Variants in VPS54 observed in about 807,000 individuals in gnomAD.
VPS54 encodes the protein VPS54 subunit of GARP complex.
A neutral mutation model predicts 121.5 loss-of-function variants in VPS54; 45 were observed. The ratio of observed to expected loss-of-function variants is 0.37; its 90% CI spans 0.29 to 0.47. The LOEUF is 0.47. VPS54 is among the 20% of genes least tolerant of loss of function. VPS54 has a pLI of 0.99. For synonymous variants in VPS54, 371 were observed against 385.8 expected (o/e 0.96, Z 0.45); for missense variants, 1,090 against 1,131.4 (o/e 0.96, Z 0.52).
chr2:63,914,932 GAGACCAGCCTGACAATGGAGA>G (rs1673310437), intron 16 of VPS54, among the ~76,000 whole-genome samples: 2 of 151,826 alleles, frequency 1.3e-5, no homozygotes, highest in Non-Finnish European at 1.5e-5. Context: ...TCGGGAGTTC[GAGACCAGCCTGACAATGGAGA>G]AGACCAGCCT....
At chr2:64,010,034 G>A (rs542142494) in intron 1 of VPS54, among the ~76,000 whole-genome samples, 7 of 151,930 alleles carry the variant, frequency 4.6e-5, no homozygotes, top group Non-Finnish European at 8.8e-5. Context: ...TAGAGACGAA[G>A]TTTCACCATG....
At chr2:63,914,473 G>A (rs1673290563) in intron 16 of VPS54, among the ~76,000 whole-genome samples, 186 bp from the exon 17 acceptor site, 1 of 152,202 alleles carries the variant, frequency 6.6e-6, no homozygotes. Flanking sequence ...CAAGACAAGA[G>A]AGGTGTCTAG....
At chr2:63,955,005 G>C (rs1001312300) in intron 7 of VPS54, among the ~76,000 whole-genome samples, 2 of 151,838 alleles carry the variant, frequency 1.3e-5, no homozygotes, top group Non-Finnish European at 2.9e-5. Context: ...AGACTAACAG[G>C]AAAATCTGAA....
At chr2:63,957,170 C>T (rs186826049) in intron 7 of VPS54, among the ~76,000 whole-genome samples, 9 of 151,978 alleles carry the variant, frequency 5.9e-5, no homozygotes, top group Non-Finnish European at 1.2e-4. Context: ...CGGCCGGGCA[C>T]GGTGGCTCAC....
In VPS54 at chr2:63,912,542, T is replaced by C. The variant is rs1332456425; in HGVS notation, c.2542A>G (p.Lys848Glu). 6.2e-7 allele frequency: 1 copy of C among 1,611,900 alleles called. No homozygotes were observed. Among genetic ancestry groups the C allele is most frequent in the Non-Finnish European group, 8.5e-7 (1 of 1,179,378 alleles). Residue 848 changes from lysine (K) to glutamate (E), a missense_variant and splice_region_variant, in exon 19 of 23, where the codon AAG becomes GAG. By Grantham distance (56) the Lys-to-Glu change is moderately conservative (BLOSUM62 1). This residue lies in a region of VPS54 where 289 missense variants were observed against 374.4 expected (regional missense o/e 0.77). Transcript: ENST00000272322. Reference sequence around the variant, plus strand: ...ATAGAAAATATATGAAAAAGTACCTTAGTGATATGATCAAAATGCCTAAGC... The same window carrying C: ...ATAGAAAATATATGAAAAAGTACCTCAGTGATATGATCAAAATGCCTAAGC... ...SMLRHFDHIT[K>E]DYHDHIAEIS... is the part of the protein sequence containing the mutation.
Position 63,965,987 on chromosome 2 carries a change from C to A in VPS54, c.493-21G>T, listed in dbSNP as rs2304712. ...AAAATCTATTAAAAAAATGCATTTC[C>A]CTCAATTAGATAAGTATTTTCTTTA... On this transcript the variant is annotated intron_variant, in intron 5 of 22. Transcript: ENST00000272322. The A allele has an allele frequency of 1.8e-4, 291 of 1,597,870 alleles. 1 individual carries two copies. The East Asian group carries it at 6.0e-3, about 33-fold the overall frequency.
chr2:63,938,138 CTG>C (rs374786732), intron 11 of VPS54, among the ~76,000 whole-genome samples: 54 of 148,872 alleles, frequency 3.6e-4, no homozygotes, highest in Non-Finnish European at 5.6e-4. Context: ...GTGTGCGTGG[CTG>C]TGTGTGTGTG....
In VPS54 at chr2:63,932,624, C is replaced by T. The variant is rs1224940765; in HGVS notation, c.1739+1049G>A. Among the ~76,000 whole-genome samples the T allele has an allele frequency of 2.7e-5, 4 of 150,748 alleles. No homozygotes were observed. In the Admixed American group the frequency reaches 2.7e-4, roughly 10 times the overall value. On this transcript the variant is annotated intron_variant, in intron 12 of 22. Transcript: ENST00000272322. ...TACCTATGTAACAAAACTGCACTTT[C>T]TGCACATGTAACCCAGAACTTAAAG...
At chr2:63,918,317 G>C (rs989744271) in intron 15 of VPS54, among the ~76,000 whole-genome samples, 1 of 152,088 alleles carries the variant, frequency 6.6e-6, no homozygotes, top group South Asian at 2.1e-4. Context: ...AAATCATTCT[G>C]TTTGCTTAAC....
At chr2:63,996,613 A>G (rs1164724972) in intron 1 of VPS54, among the ~76,000 whole-genome samples, 3 of 152,336 alleles carry the variant, frequency 2.0e-5, no homozygotes, top group African/African-American at 7.2e-5. Flanking sequence ...AGTAAGAGAA[A>G]TATTGCTGAG....
At chr2:63,908,237 A>C (rs1489974455) in intron 20 of VPS54, among the ~76,000 whole-genome samples, 1 of 152,146 alleles carries the variant, frequency 6.6e-6, no homozygotes, top group Non-Finnish European at 1.5e-5. Context: ...CTCTATAATA[A>C]AACGGAACAA....
chr2:63,978,415 C>T (rs1349168311), intron 3 of VPS54, among the ~76,000 whole-genome samples: 2 of 152,118 alleles, frequency 1.3e-5, no homozygotes, highest in East Asian at 3.8e-4. Context: ...ATTTTGCTCA[C>T]CTGCCTCACC....
At position 63,892,997 on chromosome 2, in the gene VPS54, A is replaced by C. The variant is rs888871206; in HGVS notation, c.*433T>G. On this transcript the variant is annotated 3_prime_UTR_variant, in exon 23 of 23. Transcript: ENST00000272322. ...TACTTTCATAGAGAAAACTTTCTACAGAAGTTGACTAAGATTTTAAATTGT... is the reference window on the plus strand; with the variant it reads ...TACTTTCATAGAGAAAACTTTCTACCGAAGTTGACTAAGATTTTAAATTGT... 1.3e-5 allele frequency: 2 copies of C among 154,706 alleles called. No homozygotes were observed. The highest frequency in any genetic ancestry group is 4.8e-5 in the African/African-American group (2 of 41,514). 9.6% of individuals were successfully genotyped at this position (154,706 alleles called of 1,614,324 possible). A position where few individuals can be genotyped will look rare whatever the true frequency, so the allele number is the denominator to read the frequency against.
Position 63,949,120 on chromosome 2 carries a change from TA to T in VPS54, c.1053del (p.Asp351GlufsTer3). The part of the protein sequence containing the change: ...SQLCELEKLI[D>X]KMMIAEFSTY... ...GTAGAAAATTCTGCAATCATCATTTTATCTATCAGTTTTTCTAATTCACAAA... is the reference window on the plus strand; with the variant it reads ...GTAGAAAATTCTGCAATCATCATTTTTCTATCAGTTTTTCTAATTCACAAA... On this transcript the variant is annotated frameshift_variant, in exon 8 of 23. Coordinates refer to ENST00000272322, the MANE Select transcript of VPS54 (RefSeq NM_016516.3). LOFTEE classifies it high-confidence loss of function. The T allele has an allele frequency of 1.2e-6, 2 of 1,611,568 alleles. No homozygotes were observed. Among genetic ancestry groups the T allele is most frequent in the Non-Finnish European group, 1.7e-6 (2 of 1,179,328 alleles).
intron 5 of VPS54, among the ~76,000 whole-genome samples, chr2:63,968,586 G>A (rs1368483162): frequency 6.6e-6 from 1 of 151,928 alleles, no homozygotes; most frequent in Non-Finnish European, 1.5e-5. Flanking sequence ...GGGCATGGTG[G>A]CATGCGCCTG....
chr2:63,939,471 A>C (rs1674619482), intron 11 of VPS54, among the ~76,000 whole-genome samples: 1 of 152,208 alleles, frequency 6.6e-6, no homozygotes, highest in African/African-American at 2.4e-5. Context: ...TAGGAGAGTA[A>C]ATTATTAACC....
At chr2:63,987,532 T>TTC in intron 1 of VPS54, among the ~76,000 whole-genome samples, 1 of 152,206 alleles carries the variant, frequency 6.6e-6, no homozygotes, top group African/African-American at 2.4e-5. Flanking sequence ...TCTATATAAA[T>TTC]TTCAAGATTG....
At chr2:63,921,455 TG>T in intron 12 of VPS54, 120 bp from the exon 13 acceptor site, 1 of 1,034,638 alleles carries the variant, frequency 9.7e-7, no homozygotes, top group Non-Finnish European at 1.4e-6. Flanking sequence ...AAAAATTCTA[TG>T]ATGTACCAAA....
At chr2:63,951,836 G>A (rs915604123) in intron 7 of VPS54, among the ~76,000 whole-genome samples, 1 of 152,050 alleles carries the variant, frequency 6.6e-6, no homozygotes, top group African/African-American at 2.4e-5. Flanking sequence ...GGACCCACAA[G>A]TCCAAACCCA....
Sources: gnomAD v4.1 joint callset for allele counts (sites outside exome capture counted in the v4.1 genomes callset) on GRCh38, gnomAD v4.1.1 for gene constraint, gnomAD v4.1.1 regional missense constraint, MANE v1.5 for transcripts, NCBI Gene and HGNC (gene_info 2026-07-23, HGNC 2026-07-21) for gene names.